The following FAM111A variants were observed in gnomAD, a reference collection of about 807,000 sequenced individuals.
FAM111A encodes FAM111 trypsin like peptidase A, also known as serine protease FAM111A.
FAM111A carries 8 observed loss-of-function variants against 3.3 expected under a neutral mutation model. The ratio of observed to expected loss-of-function variants is 2.39; its 90% confidence interval spans 1.40 to 4.32. The LOEUF is 4.32. Ranked by LOEUF, FAM111A falls within the 30% of genes most tolerant of loss-of-function variation. The pLI, the probability that FAM111A is intolerant of heterozygous loss-of-function variation, is 0.00. For synonymous variants in FAM111A, 227 were observed against 243.1 expected (o/e 0.93, Z 0.62); for missense variants, 683 against 727.6 (o/e 0.94, Z 0.71).
intron 5 of FAM111A, among the ~76,000 whole-genome samples, chr11:59,150,778 G>A (rs1407632421): frequency 1.3e-5 from 2 of 152,120 alleles, no homozygotes; most frequent in Admixed American, 1.3e-4. Context: ...TAGAAAAGAC[G>A]TCTACAAGAA....
intron 5 of FAM111A, among the ~76,000 whole-genome samples, chr11:59,151,264 C>T (rs956686372): frequency 5.3e-5 from 8 of 152,094 alleles, no homozygotes; most frequent in African/African-American, 1.9e-4. Flanking sequence ...ATTTCTCCAG[C>T]CTCAGCCTCC....
At chr11:59,149,308 A>G in intron 5 of FAM111A, 1 of 182,030 alleles carries the variant, frequency 5.5e-6, no homozygotes, top group Non-Finnish European at 1.2e-5. Context: ...CAGAACTCAC[A>G]GATACTAAAG....
At position 59,151,880 on chromosome 11, in the gene FAM111A, C is replaced by A. The variant is rs373846458; in HGVS notation, c.212C>A (p.Thr71Asn). 1.6e-5 allele frequency: 26 copies of A among 1,614,062 alleles called. No homozygotes were observed. Among genetic ancestry groups the A allele is most frequent in the African/African-American group, 2.7e-5 (2 of 74,910 alleles). Residue 71 changes from threonine (T) to asparagine (N), a missense_variant, in exon 6 of 6, where the codon ACC becomes AAC. Thr to Asn is a moderately conservative substitution (Grantham distance 65). Around this residue, in one of 3 missense-constraint regions of FAM111A, gnomAD observed 557 missense variants for 600.2 expected, o/e 0.93. Transcript: ENST00000675163. ...CCTAAGAAAAATCCAGAAGACCAGA[C>A]CATGCCCCAAAATAGGACAATATAT... ...HSPKKNPEDQ[T>N]MPQNRTIYVT...
Position 59,153,650 on chromosome 11 carries a change from A to C in FAM111A, c.*146A>C. 1 of 660,904 alleles carries C rather than the reference A, an allele frequency of 1.5e-6. No individual in the cohort carries two copies. The highest frequency in any genetic ancestry group is 2.5e-6 in the Non-Finnish European group (1 of 400,626). 40.9% of individuals were successfully genotyped at this position (660,904 alleles called of 1,614,324 possible). ...CTATCTGCCAGGCATTTTTCTAAGC[A>C]CATGAAGAAATTAGTCCTAACAACA... On this transcript the variant is annotated 3_prime_UTR_variant, in exon 6 of 6. Coordinates refer to ENST00000675163, the MANE Select transcript of FAM111A (RefSeq NM_001312909.2).
chr11:59,149,098 ATATCCTCCTG>A, intron 5 of FAM111A, 145 bp downstream of exon 5: 2 of 633,788 alleles, frequency 3.2e-6, no homozygotes, highest in South Asian at 3.8e-5. Flanking sequence ...ATAATGTATC[ATATCCTCCTG>A]TATACTTTAA....
chr11:59,153,299 C>T lies in FAM111A; in HGVS notation c.1631C>T (p.Pro544Leu). 6.2e-7 allele frequency: 1 copy of T among 1,614,162 alleles called. No homozygotes were observed. The highest frequency in any genetic ancestry group is 1.1e-5 in the South Asian group (1 of 91,088). The change falls in exon 6 of 6, where the codon CCT (proline) becomes CTT (leucine). Residue 544 changes from proline (P) to leucine (L), a missense_variant. By Grantham distance (98) the Pro-to-Leu change is moderately conservative. This residue lies in a region of FAM111A where 122 missense variants were observed against 110.9 expected (regional missense o/e 1.10). Coordinates refer to ENST00000675163, the MANE Select transcript of FAM111A (RefSeq NM_001312909.2). ...TEFFFGASGS[P>L]VFDSKGSLVA... ...TTTTTCTTTGGGGCTTCCGGCTCCCCTGTGTTTGATTCAAAAGGTTCATTG... is the reference window on the plus strand; with the variant it reads ...TTTTTCTTTGGGGCTTCCGGCTCCCTTGTGTTTGATTCAAAAGGTTCATTG...
chr11:59,146,114 G>A (rs1436219833), intron 4 of FAM111A, among the ~76,000 whole-genome samples: 1 of 141,246 alleles, frequency 7.1e-6, no homozygotes, highest in Non-Finnish European at 1.5e-5. Flanking sequence ...GTCTCGCTCT[G>A]TTGCTCAGGC....
At position 59,154,941 on chromosome 11, in the gene FAM111A, A is replaced by G. The variant is rs2135497657; in HGVS notation, c.*1437A>G. 1 of 152,910 alleles carries G rather than the reference A, an allele frequency of 6.5e-6. No individual in the cohort carries two copies. The highest frequency in any genetic ancestry group is 6.5e-5 in the Admixed American group (1 of 15,298). 9.5% of individuals were successfully genotyped at this position (152,910 alleles called of 1,614,324 possible). ...ACGTTTTGCCAAAAATGCTTGTTAT[A>G]TAAAGGGTACTTTTGGGAGGGTGAG... On this transcript the variant is annotated 3_prime_UTR_variant, in exon 6 of 6. Coordinates refer to ENST00000675163, the MANE Select transcript of FAM111A (RefSeq NM_001312909.2).
chr11:59,145,597 T>C (rs1860754466), intron 3 of FAM111A: 1 of 152,262 alleles, frequency 6.6e-6, no homozygotes, highest in Non-Finnish European at 1.5e-5. Context: ...CTCAAGTACA[T>C]GCAAAATTAA....
At position 59,145,824 on chromosome 11, in the gene FAM111A, T is replaced by C. The variant is rs1860791196; in HGVS notation, c.-106-3T>C. 1 of 152,138 alleles carries C rather than the reference T, an allele frequency of 6.6e-6. No homozygotes were observed. Among genetic ancestry groups the C allele is most frequent in the African/African-American group, 2.4e-5 (1 of 41,408 alleles). 9.4% of individuals were successfully genotyped at this position (152,138 alleles called of 1,614,324 possible). On this transcript the variant is annotated splice_polypyrimidine_tract_variant and splice_region_variant and intron_variant, in intron 3 of 5. Coordinates refer to ENST00000675163, the MANE Select transcript of FAM111A (RefSeq NM_001312909.2). Reference sequence around the variant, plus strand: ...ATTGTACATTTTCTATTTTTTTTCCTAGGTTCTCTGCTGTTTAAAAAGTAT... The same window carrying C: ...ATTGTACATTTTCTATTTTTTTTCCCAGGTTCTCTGCTGTTTAAAAAGTAT...
chr11:59,152,173 C>T lies in FAM111A; in HGVS notation c.505C>T (p.His169Tyr), dbSNP rs373343095. ...QSKSKQKEDN[H>Y]IFGRQDKAST... is the part of the protein sequence containing the mutation. Reference sequence around the variant, plus strand: ...TAAAAGTAAGCAGAAGGAAGATAACCACATATTTGGCAGGCAGGACAAAGC... The same window carrying T: ...TAAAAGTAAGCAGAAGGAAGATAACTACATATTTGGCAGGCAGGACAAAGC... Residue 169 changes from histidine to tyrosine, a missense_variant, in exon 6 of 6, where the codon CAC (histidine) becomes TAC (tyrosine). Coordinates refer to ENST00000675163, the MANE Select transcript of FAM111A (RefSeq NM_001312909.2). 6.2e-7 allele frequency: 1 copy of T among 1,614,078 alleles called. No homozygotes were observed.
Position 59,153,366 on chromosome 11 carries a change from T to C in FAM111A, c.1698T>C (p.Asn566=). 1 of 1,614,168 alleles carries C rather than the reference T, an allele frequency of 6.2e-7. No homozygotes were observed. Among genetic ancestry groups the C allele is most frequent in the African/African-American group, 1.3e-5 (1 of 75,034 alleles). The change falls in exon 6 of 6, where the codon AAT becomes AAC. Residue 566 remains asparagine (N), a synonymous_variant. Coordinates refer to ENST00000675163, the MANE Select transcript of FAM111A (RefSeq NM_001312909.2). The stretch of plus-strand genomic sequence containing the variant: ...CTGGCTTTGCTTATACTTACCAAAA[T>C]GAGACTCGTAGTATCATTGAGTTTG... The part of the protein sequence containing the change: ...HAAGFAYTYQ[N]ETRSIIEFGS...
intron 4 of FAM111A, among the ~76,000 whole-genome samples, chr11:59,146,062 TTG>T (rs146138494): frequency 1.3e-4 from 19 of 150,024 alleles, no homozygotes; most frequent in African/African-American, 3.2e-4. Context: ...TATATATATA[TTG>T]TGTGTGTGTG....
chr11:59,144,158 T>G (rs1044562970), intron 3 of FAM111A: 1 of 152,236 alleles, frequency 6.6e-6, no homozygotes, highest in Non-Finnish European at 1.5e-5. Context: ...TAGCTTTGTC[T>G]TATCAACAGG....
At chr11:59,146,948 T>G (rs1444052152) in intron 4 of FAM111A, among the ~76,000 whole-genome samples, 1 of 152,210 alleles carries the variant, frequency 6.6e-6, no homozygotes, top group African/African-American at 2.4e-5. Context: ...AATTATGTAA[T>G]TTTTAGAGAT....
In FAM111A at chr11:59,152,920, A is replaced by G. The variant is rs1423508491; in HGVS notation, c.1252A>G (p.Lys418Glu). 2 of 1,614,064 alleles carry G rather than the reference A, an allele frequency of 1.2e-6. No individual in the cohort carries two copies. Among genetic ancestry groups the G allele is most frequent in the African/African-American group, 2.7e-5 (2 of 74,930 alleles). ...GGTGACATTTGGTTATGAAGAGCTA[A>G]AAGACAAGGAAACAAACTACTTTTT... ...VRVTFGYEEL[K>E]DKETNYFFVE... The change falls in exon 6 of 6, where the codon AAA (lysine) becomes GAA (glutamate). Residue 418 changes from lysine (K) to glutamate (E), a missense_variant. This residue lies in a region of FAM111A where 557 missense variants were observed against 600.2 expected (regional missense o/e 0.93). Transcript: ENST00000675163.
rs1004612601 is a variant in FAM111A, at chr11:59,154,064, G to A, written c.*560G>A. 1.3e-5 allele frequency: 2 copies of A among 152,102 alleles called. No individual in the cohort carries two copies. Among genetic ancestry groups the A allele is most frequent in the Admixed American group, 6.6e-5 (1 of 15,264 alleles). The allele number at this position is 152,102 out of a possible 1,614,324, so 9.4% of individuals were successfully genotyped here. A position where few individuals can be genotyped will look rare whatever the true frequency, so the allele number is the denominator to read the frequency against. The stretch of plus-strand genomic sequence containing the variant: ...ATGGGAAGAATAACAAGATTATATA[G>A]TAATCAGTTTCATGACACTAAAAGT... On this transcript the variant is annotated 3_prime_UTR_variant, in exon 6 of 6. Transcript: ENST00000675163.
chr11:59,148,657 A>T, intron 4 of FAM111A, 140 bp from the exon 5 acceptor site: 1 of 492,256 alleles, frequency 2.0e-6, no homozygotes, highest in Non-Finnish European at 3.6e-6. Flanking sequence ...GAGAGCTTTT[A>T]TTGTTAAGGT....
chr11:59,151,944 GA>G lies in FAM111A; in HGVS notation c.279del (p.Lys93AsnfsTer26). 1.2e-6 allele frequency: 2 copies of G among 1,614,050 alleles called. No individual in the cohort carries two copies. Among genetic ancestry groups the G allele is most frequent in the Middle Eastern group, 3.3e-4 (2 of 6,062 alleles). ...TAAACCACAGGAGAAACCAAGATAT[GA>G]AACTTAAGCTCACACATAGTGAGAA... ...KVNHRRNQDMKLKLTHSENSS... is the reference protein window; with the variant it reads ...KVNHRRNQDMXLKLTHSENSS... On this transcript the variant is annotated frameshift_variant, in exon 6 of 6. Transcript: ENST00000675163. LOFTEE classifies it low-confidence loss of function (END_TRUNC).
Sources: gnomAD v4.1 joint callset for allele counts (sites outside exome capture counted in the v4.1 genomes callset) on GRCh38, gnomAD v4.1.1 for gene constraint, gnomAD v4.1.1 regional missense constraint, MANE v1.5 for transcripts, NCBI Gene and HGNC (gene_info 2026-07-23, HGNC 2026-07-21) for gene names.